The following ASH2L variants were observed in gnomAD, a reference collection of about 807,000 sequenced individuals.
ASH2L encodes the protein set1/Ash2 histone methyltransferase complex subunit ASH2.
ASH2L carries 30 observed loss-of-function variants against 81.1 expected under a neutral mutation model. The ratio of observed to expected loss-of-function variants is 0.37; its 90% CI spans 0.28 to 0.50. The LOEUF (loss-of-function observed/expected upper bound fraction) is 0.50, where lower values mean the gene tolerates loss of function less well. ASH2L is among the 20% of genes least tolerant of loss of function. ASH2L has a pLI of 0.95. For missense variants in ASH2L, 559 were observed against 792.1 expected (o/e 0.71, Z 3.53); for synonymous variants, 273 against 279.9 (o/e 0.98, Z 0.24).
intron 12 of ASH2L, among the ~76,000 whole-genome samples, chr8:38,131,614 C>T (rs543366063): frequency 6.6e-6 from 1 of 152,228 alleles, no homozygotes; most frequent in East Asian, 1.9e-4. Context: ...CCAGTGAACT[C>T]CAGACTGGGC....
chr8:38,119,676 G>A (rs1164754755), intron 9 of ASH2L, among the ~76,000 whole-genome samples: 8 of 152,062 alleles, frequency 5.3e-5, no homozygotes, highest in Non-Finnish European at 5.9e-5. Context: ...GTAGTGGTGA[G>A]CGCCTGTAAT....
intron 11 of ASH2L, 122 bp downstream of exon 11, chr8:38,128,580 G>T (rs931768228): frequency 1.4e-6 from 2 of 1,462,034 alleles, no homozygotes; most frequent in African/African-American, 2.8e-5. Flanking sequence ...AGTTCCTGAG[G>T]GTTGAGCTGG....
Position 38,114,230 on chromosome 8 carries a change from G to T in ASH2L, c.624G>T (p.Met208Ile). 1 of 1,606,692 alleles carries T rather than the reference G, an allele frequency of 6.2e-7. No homozygotes were observed. Among genetic ancestry groups the T allele is most frequent in the South Asian group, 1.1e-5 (1 of 89,758 alleles). ...TTATTGATAAATACTGGGAGTGCAT[G>T]ACAACCAGACAGAGACCTGGGAAAA... ...IPFIDKYWEC[M>I]TTRQRPGKMT... The change falls in exon 6 of 16, where the codon ATG (methionine) becomes ATT (isoleucine). Residue 208 changes from methionine (M) to isoleucine (I), a missense_variant. Met to Ile is a conservative substitution (Grantham distance 10). Around this residue, in one of 4 missense-constraint regions of ASH2L, gnomAD observed 318 missense variants for 527.0 expected, o/e 0.60. Coordinates refer to ENST00000343823, the MANE Select transcript of ASH2L (RefSeq NM_004674.5).
rs775804105 is a variant in ASH2L, at chr8:38,133,538, C to G, written c.1612C>G (p.His538Asp). ...KAEKSLKQTP[H>D]SEIIFYKNGV... ...AGAGAAGAGCCTGAAGCAGACTCCC[C>G]ATAGTGAGGTGAGTCATGGCCATAA... is the stretch of plus-strand genomic sequence containing the variant. The change falls in exon 13 of 16, where the codon CAT (histidine) becomes GAT (aspartate). Residue 538 changes from histidine to aspartate, a missense_variant. Around this residue, in one of 4 missense-constraint regions of ASH2L, gnomAD observed 95 missense variants for 130.7 expected, o/e 0.73. Coordinates refer to ENST00000343823, the MANE Select transcript of ASH2L (RefSeq NM_004674.5). The G allele has an allele frequency of 6.2e-7, 1 of 1,608,412 alleles. No individual in the cohort carries two copies. The highest frequency in any genetic ancestry group is 8.5e-7 in the Non-Finnish European group (1 of 1,178,228).
chr8:38,133,154 A>G (rs2130573487), intron 12 of ASH2L, among the ~76,000 whole-genome samples: 1 of 151,764 alleles, frequency 6.6e-6, no homozygotes, highest in East Asian at 1.9e-4. Flanking sequence ...AGATTATTGG[A>G]AAAGATGTGT....
Position 38,128,285 on chromosome 8 carries a change from C to T in ASH2L, c.1166-6C>T. ...GCAGGCCTTCTTTTAATCTCTGTCACCGCAGCTCCCCAGTTAAAGATCTCA... is the reference window on the plus strand; with the variant it reads ...GCAGGCCTTCTTTTAATCTCTGTCATCGCAGCTCCCCAGTTAAAGATCTCA... On this transcript the variant is annotated splice_polypyrimidine_tract_variant and splice_region_variant and intron_variant, in intron 10 of 15. Coordinates refer to ENST00000343823, the MANE Select transcript of ASH2L (RefSeq NM_004674.5). 1 of 1,614,080 alleles carries T rather than the reference C, an allele frequency of 6.2e-7. No individual in the cohort carries two copies.
intron 3 of ASH2L, among the ~76,000 whole-genome samples, chr8:38,108,720 C>G (rs569471311): frequency 1.3e-5 from 2 of 151,788 alleles, no homozygotes; most frequent in Admixed American, 6.6e-5. Flanking sequence ...ACTCGGGAGG[C>G]AGGAAAATCA....
rs1339730888 is a variant in ASH2L at position 38,116,737 on chromosome 8, C to A, written c.853+12C>A. ...TGGGAATTTAAATGGTAAGTGTTTA[C>A]ATATCTCATTGCTGAAATATTTGGA... On this transcript the variant is annotated intron_variant, in intron 8 of 15. Transcript: ENST00000343823. 1.2e-6 allele frequency: 2 copies of A among 1,601,352 alleles called. No homozygotes were observed. The highest frequency in any genetic ancestry group is 1.7e-6 in the Non-Finnish European group (2 of 1,172,460).
intron 10 of ASH2L, chr8:38,122,537 G>A (rs1249301778): frequency 6.6e-6 from 1 of 152,070 alleles, no homozygotes; most frequent in African/African-American, 2.4e-5. Context: ...TGTTAGGTGT[G>A]CTGTTACTAG....
rs924096930 is a variant in ASH2L at position 38,114,115 on chromosome 8, G to A, written c.586-77G>A. 9.0e-6 allele frequency: 8 copies of A among 885,386 alleles called. No homozygotes were observed. The East Asian group carries it at 1.7e-4, about 19-fold the overall frequency. 54.8% of individuals were successfully genotyped at this position (885,386 alleles called of 1,614,324 possible). ...TTCTCTTGATTCTAACAAGATCTTC[G>A]AAAAATGCTGTTTTCTTTCTTTGTC... On this transcript the variant is annotated intron_variant, in intron 5 of 15. Transcript: ENST00000343823.
chr8:38,119,544 G>C (rs1226284131), intron 9 of ASH2L, among the ~76,000 whole-genome samples, 181 bp downstream of exon 9: 1 of 152,144 alleles, frequency 6.6e-6, no homozygotes, highest in Non-Finnish European at 1.5e-5. Context: ...AGTGGCTCAT[G>C]CGTGTAATCC....
chr8:38,133,628 C>T (rs940103573), intron 13 of ASH2L, 82 bp downstream of exon 13: 16 of 1,138,880 alleles, frequency 1.4e-5, no homozygotes, highest in African/African-American at 7.8e-5. Flanking sequence ...GTGAGGAACA[C>T]GAGGCCCAAA....
At chr8:38,130,138 A>G (rs1295693982) in intron 12 of ASH2L, among the ~76,000 whole-genome samples, 1 of 149,544 alleles carries the variant, frequency 6.7e-6, no homozygotes, top group African/African-American at 2.5e-5. Context: ...GGCATTTTTC[A>G]TGTGCTTTTC....
chr8:38,130,864 G>A (rs1802035685), intron 12 of ASH2L, among the ~76,000 whole-genome samples: 1 of 152,206 alleles, frequency 6.6e-6, no homozygotes, highest in Non-Finnish European at 1.5e-5. Flanking sequence ...ACAGGCATGA[G>A]CCACTGTGCC....
intron 10 of ASH2L, among the ~76,000 whole-genome samples, chr8:38,122,041 G>A (rs1162721100): frequency 1.3e-5 from 2 of 152,068 alleles, no homozygotes; most frequent in Non-Finnish European, 2.9e-5. Flanking sequence ...GTTGTATGAT[G>A]ATTTTCGATT....
chr8:38,106,546 C>T (rs1214903603), intron 2 of ASH2L, 102 bp downstream of exon 2: 3 of 1,026,554 alleles, frequency 2.9e-6, no homozygotes, highest in East Asian at 2.6e-5. Context: ...CTTGCTCTGT[C>T]GCCCAGGCTG....
intron 5 of ASH2L, 111 bp downstream of exon 5, chr8:38,110,944 G>A: frequency 1.2e-6 from 1 of 854,774 alleles, no homozygotes; most frequent in Non-Finnish European, 1.9e-6. Flanking sequence ...ATATGACAGT[G>A]GATTCAGTGA....
chr8:38,107,868 ATGTGTGTGTGTGTGTG>A (rs10542885), intron 3 of ASH2L, among the ~76,000 whole-genome samples: 2 of 141,506 alleles, frequency 1.4e-5, no homozygotes, highest in African/African-American at 2.6e-5. Context: ...AAATACATAT[ATGTGTGTGTGTGTGTG>A]TGTGTGTGTG....
At chr8:38,126,130 G>T (rs1219955909) in intron 10 of ASH2L, among the ~76,000 whole-genome samples, 1 of 151,792 alleles carries the variant, frequency 6.6e-6, no homozygotes, top group Non-Finnish European at 1.5e-5. Context: ...TTGAACCCGG[G>T]AGCCAGAGGT....
Sources: allele counts gnomAD v4.1 joint callset (sites outside exome capture counted in the v4.1 genomes callset), GRCh38; gene constraint gnomAD v4.1.1; regional missense constraint gnomAD v4.1.1; transcripts MANE v1.5; gene names NCBI Gene and HGNC (gene_info 2026-07-23, HGNC 2026-07-21).